The following PCDH15 variants were observed in gnomAD, a reference collection of about 807,000 sequenced individuals.
The protein encoded by PCDH15 is protocadherin related 15, also known as protocadherin-15.
Under a neutral mutation model 178.5 loss-of-function variants are expected in PCDH15, and 129 were observed. The ratio of observed to expected loss-of-function variants is 0.72; its 90% CI spans 0.63 to 0.84. The LOEUF (loss-of-function observed/expected upper bound fraction) is 0.84, where lower values mean the gene tolerates loss of function less well. PCDH15 is among the 40% of genes least tolerant of loss of function. The pLI is 0.00. For synonymous variants in PCDH15, 800 were observed against 732.0 expected (o/e 1.09, Z -1.50); for missense variants, 2,230 against 2,099.9 (o/e 1.06, Z -1.21).
chr10:54,858,618 A>C (rs1953783001), intron 3 of PCDH15, among the ~76,000 whole-genome samples: 1 of 152,112 alleles, frequency 6.6e-6, no homozygotes, highest in Non-Finnish European at 1.5e-5. Context: ...CAGGATGGCA[A>C]CATTATGTAA....
At chr10:54,907,506 T>C (rs533274518) in intron 2 of PCDH15, among the ~76,000 whole-genome samples, 19 of 152,296 alleles carry the variant, frequency 1.2e-4, no homozygotes, top group African/African-American at 4.6e-4. Flanking sequence ...ATCCAGTCTT[T>C]AGCTGTGTTT....
chr10:54,652,707 G>A (rs962086675), intron 2 of PCDH15, among the ~76,000 whole-genome samples: 3 of 152,180 alleles, frequency 2.0e-5, no homozygotes, highest in East Asian at 1.9e-4. Context: ...GAGGCAGCAA[G>A]AGGGTAGATA....
At chr10:54,972,458 T>G (rs1027312839) in intron 2 of PCDH15, among the ~76,000 whole-genome samples, 27 of 152,082 alleles carry the variant, frequency 1.8e-4, no homozygotes, top group African/African-American at 6.5e-4. Flanking sequence ...GAGAATCGCT[T>G]GAACCTGGGA....
At chr10:54,741,071 T>A (rs1487237865) in intron 1 of PCDH15, among the ~76,000 whole-genome samples, 2 of 151,842 alleles carry the variant, frequency 1.3e-5, no homozygotes, top group Admixed American at 1.3e-4. Flanking sequence ...CTACCCCAAT[T>A]ACCTTAATTT....
At chr10:54,198,540 C>T (rs1163772163) in intron 10 of PCDH15, among the ~76,000 whole-genome samples, 5 of 50,014 alleles carry the variant, frequency 1.0e-4, no homozygotes, top group African/African-American at 5.8e-4. Flanking sequence ...CTCGCTCTGT[C>T]GCCCAGGCTG....
intron 2 of PCDH15, among the ~76,000 whole-genome samples, chr10:55,565,675 C>G (rs1421280759): frequency 6.6e-6 from 1 of 151,374 alleles, no homozygotes; most frequent in Non-Finnish European, 1.5e-5. Flanking sequence ...ATCAATTCTA[C>G]AGAAATAAAA....
At chr10:55,106,783 C>T (rs1407901107) in intron 2 of PCDH15, among the ~76,000 whole-genome samples, 1 of 152,150 alleles carries the variant, frequency 6.6e-6, no homozygotes, top group African/African-American at 2.4e-5. Context: ...ATCCTAGATT[C>T]TTATCCTATT....
intron 2 of PCDH15, among the ~76,000 whole-genome samples, chr10:54,659,967 C>A (rs993534702): frequency 6.6e-6 from 1 of 151,910 alleles, no homozygotes; most frequent in Non-Finnish European, 1.5e-5. Context: ...GCACTAAATG[C>A]CTACATAAAA....
intron 1 of PCDH15, among the ~76,000 whole-genome samples, chr10:55,290,609 A>G (rs1479824938): frequency 1.3e-5 from 2 of 152,070 alleles, no homozygotes; most frequent in East Asian, 3.9e-4. Context: ...ACCTAATACC[A>G]CTGTATCATT....
chr10:54,237,021 T>C, intron 8 of PCDH15, 90 bp from the exon 9 acceptor site: 2 of 1,097,462 alleles, frequency 1.8e-6, no homozygotes, highest in Non-Finnish European at 2.8e-6. Context: ...GAAATCTATA[T>C]AACGTCTGAG....
intron 8 of PCDH15, among the ~76,000 whole-genome samples, chr10:54,293,485 A>G (rs2059555289): frequency 6.6e-6 from 1 of 152,216 alleles, no homozygotes. Flanking sequence ...ATTAAACTAA[A>G]GAGCTTCTGC....
intron 1 of PCDH15, among the ~76,000 whole-genome samples, chr10:54,677,634 T>C (rs2094815591): frequency 1.3e-5 from 2 of 152,198 alleles, no homozygotes; most frequent in Admixed American, 1.3e-4. Context: ...CTGGAGACTG[T>C]GCAGAATTTA....
chr10:55,069,248 G>GTTTTTTT (rs80094733), intron 2 of PCDH15, among the ~76,000 whole-genome samples: 5 of 129,670 alleles, frequency 3.9e-5, no homozygotes, highest in East Asian at 2.2e-4. Context: ...CTGGTATTTT[G>GTTTTTTT]TTTTTTTTTT....
chr10:54,311,602 G>A (rs943221911), intron 8 of PCDH15, among the ~76,000 whole-genome samples: 3 of 151,932 alleles, frequency 2.0e-5, no homozygotes, highest in South Asian at 2.1e-4. Context: ...CATCCTCAAC[G>A]TAGTTTGGCA....
At chr10:54,378,497 T>C (rs1036994768) in intron 4 of PCDH15, among the ~76,000 whole-genome samples, 8 of 152,086 alleles carry the variant, frequency 5.3e-5, no homozygotes, top group Non-Finnish European at 8.8e-5. Flanking sequence ...ATGCTTGTCC[T>C]ACTTTGCCAA....
intron 2 of PCDH15, among the ~76,000 whole-genome samples, chr10:55,368,960 A>T (rs1184773391): frequency 7.3e-6 from 1 of 136,476 alleles, no homozygotes; most frequent in African/African-American, 2.7e-5. Context: ...TTATAAAATC[A>T]TTTATTACTT....
chr10:53,806,968 C>A lies in PCDH15; in HGVS notation c.4834G>T (p.Val1612Leu). Residue 1612 changes from valine (V) to leucine (L), a missense_variant, in exon 38 of 38, where the codon GTG becomes TTG. Transcript: ENST00000644397. ...GTGAGGCAGGCACGGCGGGTTCTCACCACAGAACCATTCTGTGCAATATAT... is the reference window on the plus strand; with the variant it reads ...GTGAGGCAGGCACGGCGGGTTCTCAACACAGAACCATTCTGTGCAATATAT... ...NIYIAQNGSVVRTRRACLTDN... is the reference protein window; with the variant it reads ...NIYIAQNGSVLRTRRACLTDN... 2 of 1,613,758 alleles carry A rather than the reference C, an allele frequency of 1.2e-6. No individual in the cohort carries two copies. The highest frequency in any genetic ancestry group is 2.7e-5 in the African/African-American group (2 of 75,004).
rs138052477 is a variant in PCDH15, at chr10:54,615,969, G to A, written c.91+48203C>T. On this transcript the variant is annotated intron_variant, in intron 2 of 37. Coordinates refer to ENST00000644397, the MANE Select transcript of PCDH15 (RefSeq NM_001384140.1). ...CACTGGTGAACTAAAAATATCACAC[G>A]GTTTAAAGGCAGTGGACTATACTTG... Among the ~76,000 whole-genome samples, 402 of 152,054 alleles carry A rather than the reference G, an allele frequency of 2.6e-3. 5 individuals carry two copies. Among genetic ancestry groups the A allele is most frequent in the African/African-American group, 7.6e-3 (317 of 41,496 alleles).
chr10:53,826,403 G>A (rs2076682735), intron 32 of PCDH15, among the ~76,000 whole-genome samples: 1 of 151,270 alleles, frequency 6.6e-6, no homozygotes, highest in East Asian at 1.9e-4. Context: ...TCCATTACCA[G>A]GTCAATTTCA....
Sources: allele counts gnomAD v4.1 joint callset (sites outside exome capture counted in the v4.1 genomes callset), GRCh38; gene constraint gnomAD v4.1.1; transcripts MANE v1.5; gene names NCBI Gene and HGNC (gene_info 2026-07-23, HGNC 2026-07-21).